Variants in ANKRD23 observed in about 807,000 individuals in gnomAD.
ANKRD23 encodes ankyrin repeat domain-containing protein 23.
ANKRD23 carries 52 observed loss-of-function variants against 38.1 expected under a neutral mutation model. The observed-to-expected ratio is 1.36, with a 90% CI of 1.09 to 1.72. ANKRD23 has a LOEUF of 1.72. Ranked by LOEUF, ANKRD23 falls within the 40% of genes most tolerant of loss-of-function variation. ANKRD23 has a pLI of 0.00. For synonymous variants in ANKRD23, 167 were observed against 162.9 expected, an observed-to-expected ratio of 1.03 and a Z score of -0.19; for missense variants, 416 against 400.2, an observed-to-expected ratio of 1.04 and a Z score of -0.34.
At position 96,839,547 on chromosome 2, in the gene ANKRD23, G is replaced by A. The variant is rs756407606; in HGVS notation, c.*2C>T. ...AAGGCGCGGCGGGGGGCGGTGCTGC[G>A]GTCAGCACCGGGTGCGGGGATGCGC... On this transcript the variant is annotated 3_prime_UTR_variant, in exon 9 of 9. Coordinates refer to ENST00000318357, the MANE Select transcript of ANKRD23 (RefSeq NM_144994.8). 3.5e-5 allele frequency: 50 copies of A among 1,446,972 alleles called. No individual in the cohort carries two copies. Among genetic ancestry groups the A allele is most frequent in the African/African-American group, 1.4e-5 (1 of 69,652 alleles). The allele number at this position is 1,446,972 out of a possible 1,614,324, so 89.6% of individuals were successfully genotyped here.
rs761660231 is a variant in ANKRD23 at position 96,842,137 on chromosome 2, A to G, written c.223T>C (p.Leu75=). The G allele has an allele frequency of 4.4e-5, 71 of 1,614,018 alleles. No individual in the cohort carries two copies. The highest frequency in any genetic ancestry group is 5.8e-5 in the Non-Finnish European group (69 of 1,180,030). Reference sequence around the variant, plus strand: ...TTCCGTCTTTGAACCAAGTTTTCCAAGTCAGCCAGGTTATCCAGATTAAAT... The same window carrying G: ...TTCCGTCTTTGAACCAAGTTTTCCAGGTCAGCCAGGTTATCCAGATTAAAT... ...TRFNLDNLAD[L]ENLVQRRKKR... Residue 75 remains leucine, a synonymous_variant, in exon 3 of 9, where the codon TTG becomes CTG. Coordinates refer to ENST00000318357, the MANE Select transcript of ANKRD23 (RefSeq NM_144994.8).
chr2:96,843,326 G>A (rs947593387), intron 1 of ANKRD23, among the ~76,000 whole-genome samples: 1 of 152,084 alleles, frequency 6.6e-6, no homozygotes, highest in Non-Finnish European at 1.5e-5. Flanking sequence ...AGATGGGCTT[G>A]CTGGGCCTCA....
At position 96,839,618 on chromosome 2, in the gene ANKRD23, A is replaced by G; in HGVS notation, c.849T>C (p.Ala283=). The G allele has an allele frequency of 6.7e-7, 1 of 1,499,346 alleles. No homozygotes were observed. The highest frequency in any genetic ancestry group is 2.4e-5 in the East Asian group (1 of 42,546). 92.9% of individuals were successfully genotyped at this position (1,499,346 alleles called of 1,614,324 possible). A position where few individuals can be genotyped will look rare whatever the true frequency, so the allele number is the denominator to read the frequency against. ...CCCGGATGCCGCGCTGCCAGTCTCG[A>G]GCCAGCTGCACCGGGGTCACGGAGG... is the stretch of plus-strand genomic sequence containing the variant. ...NAASVTPVQL[A]RDWQRGIREA... The change falls in exon 9 of 9, where the codon GCT becomes GCC. Residue 283 remains alanine (A), a synonymous_variant. Coordinates refer to ENST00000318357, the MANE Select transcript of ANKRD23 (RefSeq NM_144994.8).
chr2:96,839,239 C>G lies in ANKRD23; in HGVS notation c.*310G>C, dbSNP rs1329781174. On this transcript the variant is annotated 3_prime_UTR_variant, in exon 9 of 9. Coordinates refer to ENST00000318357, the MANE Select transcript of ANKRD23 (RefSeq NM_144994.8). ...AGCTTGGGACTGCTCCCTTAAGGCT[C>G]GTTCTTGGCCCTCACTCTCCTCCCC... The G allele has an allele frequency of 1.8e-6, 2 of 1,130,898 alleles. No homozygotes were observed. Among genetic ancestry groups the G allele is most frequent in the South Asian group, 4.3e-5 (1 of 23,466 alleles). 70.1% of individuals were successfully genotyped at this position (1,130,898 alleles called of 1,614,324 possible).
Position 96,842,506 on chromosome 2 carries a change from A to G in ANKRD23, c.33T>C (p.Ser11=). The change falls in exon 2 of 9, where the codon AGT becomes AGC. Residue 11 remains serine, a synonymous_variant. Transcript: ENST00000318357. MDFISIQQLV[S]GERVEGKVLG... ...ACACTTTCCCTTCAACTCTTTCTCC[A>G]CTTACCTGTAGGAACAGGATATGAG... 2 of 1,613,080 alleles carry G rather than the reference A, an allele frequency of 1.2e-6. No homozygotes were observed. Among genetic ancestry groups the G allele is most frequent in the Non-Finnish European group, 1.7e-6 (2 of 1,179,628 alleles).
chr2:96,842,170 T>G lies in ANKRD23; in HGVS notation c.190A>C (p.Ser64Arg), dbSNP rs150321775. ...EKKKKLERFN[S>R]TRFNLDNLAD... ...AGGTTATCCAGATTAAATCTGGTAC[T>G]GTTAAATCTTTCAAGCTGGGGCAGA... Residue 64 changes from serine to arginine, a missense_variant, in exon 3 of 9, where the codon AGT becomes CGT. By Grantham distance (110) the Ser-to-Arg change is moderately radical. Transcript: ENST00000318357. 2.0e-3 allele frequency: 3,213 copies of G among 1,614,076 alleles called. 7 individuals carry two copies. The highest frequency in any genetic ancestry group is 2.3e-3 in the Non-Finnish European group (2,766 of 1,180,048).
At chr2:96,843,858 TA>T in intron 1 of ANKRD23, 107 bp downstream of exon 1, 1 of 1,123,384 alleles carries the variant, frequency 8.9e-7, no homozygotes, top group Non-Finnish European at 1.3e-6. Context: ...TCCCTGCACC[TA>T]AGACTTGACC....
Position 96,840,249 on chromosome 2 carries a change from C to A in ANKRD23, c.607G>T (p.Val203Phe). 6.2e-7 allele frequency: 1 copy of A among 1,611,132 alleles called. No individual in the cohort carries two copies. Residue 203 changes from valine (V) to phenylalanine (F), a missense_variant, in exon 6 of 9, where the codon GTC becomes TTC. Val to Phe is a conservative substitution (Grantham distance 50). Coordinates refer to ENST00000318357, the MANE Select transcript of ANKRD23 (RefSeq NM_144994.8). ...LKQLLNQGAR[V>F]NARDKIGSTP... Reference sequence around the variant, plus strand: ...CCCCTCACCTTGTCCCGGGCATTGACCCGGGCTCCCTGGTTAAGCAGCTGT... The same window carrying A: ...CCCCTCACCTTGTCCCGGGCATTGAACCGGGCTCCCTGGTTAAGCAGCTGT...
Position 96,838,806 on chromosome 2 carries a change from C to G in ANKRD23, c.*743G>C, listed in dbSNP as rs75602980. On this transcript the variant is annotated 3_prime_UTR_variant, in exon 9 of 9. Transcript: ENST00000318357. ...GTGGGTGCGAGGCTTCTCTCAAATG[C>G]GCGCTCCAGCTCATCAGTCTTAGGG... is the stretch of plus-strand genomic sequence containing the variant. 3.9e-5 allele frequency: 38 copies of G among 985,524 alleles called. No individual in the cohort carries two copies. The East Asian group carries it at 3.9e-3, about 100-fold the overall frequency. 61.0% of individuals were successfully genotyped at this position (985,524 alleles called of 1,614,324 possible).
Position 96,839,379 on chromosome 2 carries a change from C to G in ANKRD23, c.*170G>C. The G allele has an allele frequency of 2.4e-6, 3 of 1,264,000 alleles. No individual in the cohort carries two copies. The highest frequency in any genetic ancestry group is 3.0e-6 in the Non-Finnish European group (3 of 1,007,662). 78.3% of individuals were successfully genotyped at this position (1,264,000 alleles called of 1,614,324 possible). ...AAGCCAGGGAGGCCTCTCTCTTTGC[C>G]TGCTGGGCCCGGTGCCGCTCTTCAG... On this transcript the variant is annotated 3_prime_UTR_variant, in exon 9 of 9. Coordinates refer to ENST00000318357, the MANE Select transcript of ANKRD23 (RefSeq NM_144994.8).
chr2:96,840,513 A>T lies in ANKRD23; in HGVS notation c.428T>A (p.Leu143His). The change falls in exon 5 of 9, where the codon CTC becomes CAC. Residue 143 changes from leucine (L) to histidine (H), a missense_variant and splice_region_variant. By Grantham distance (99) the Leu-to-His change is moderately conservative. Transcript: ENST00000318357. ...DGGDPNAHDK[L>H]HRTALHWACL... ...GGCCCAGTGCAAGGCGGTGCGGTGG[A>T]GCTGAGGGCAGAGATGGAAGATTAG... 3 of 1,613,600 alleles carry T rather than the reference A, an allele frequency of 1.9e-6. No homozygotes were observed. Among genetic ancestry groups the T allele is most frequent in the Non-Finnish European group, 2.5e-6 (3 of 1,179,950 alleles).
In ANKRD23 at chr2:96,842,121, T is replaced by A. The variant is rs148240041; in HGVS notation, c.239A>T (p.Gln80Leu). The change falls in exon 3 of 9, where the codon CAA (glutamine) becomes CTA (leucine). Residue 80 changes from glutamine to leucine, a missense_variant. By Grantham distance (113) the Gln-to-Leu change is moderately radical. Coordinates refer to ENST00000318357, the MANE Select transcript of ANKRD23 (RefSeq NM_144994.8). ...DNLADLENLV[Q>L]RRKKRLRHRV... ...GTGTCTCAGTCGCTTTTTCCGTCTT[T>A]GAACCAAGTTTTCCAAGTCAGCCAG... 91 of 1,614,092 alleles carry A rather than the reference T, an allele frequency of 5.6e-5. No homozygotes were observed. Among genetic ancestry groups the A allele is most frequent in the Non-Finnish European group, 7.6e-5 (90 of 1,180,048 alleles).
chr2:96,843,029 G>A (rs1043047109), intron 1 of ANKRD23, among the ~76,000 whole-genome samples: 7 of 152,196 alleles, frequency 4.6e-5, no homozygotes, highest in African/African-American at 1.4e-4. Flanking sequence ...TTGCCTAAAG[G>A]AGTTGTGAAG....
chr2:96,839,367 C>T lies in ANKRD23; in HGVS notation c.*182G>A. The T allele has an allele frequency of 8.0e-7, 1 of 1,257,438 alleles. No individual in the cohort carries two copies. The highest frequency in any genetic ancestry group is 1.0e-6 in the Non-Finnish European group (1 of 1,003,888). 77.9% of individuals were successfully genotyped at this position (1,257,438 alleles called of 1,614,324 possible). A position where few individuals can be genotyped will look rare whatever the true frequency, so the allele number is the denominator to read the frequency against. On this transcript the variant is annotated 3_prime_UTR_variant, in exon 9 of 9. Coordinates refer to ENST00000318357, the MANE Select transcript of ANKRD23 (RefSeq NM_144994.8). ...CCCTGACACTCGAAGCCAGGGAGGC[C>T]TCTCTCTTTGCCTGCTGGGCCCGGT...
intron 1 of ANKRD23, 84 bp from the exon 2 acceptor site, chr2:96,842,595 C>T (rs1164639760): frequency 6.7e-7 from 1 of 1,487,786 alleles, no homozygotes; most frequent in South Asian, 1.4e-5. Flanking sequence ...AGGGAGCTGT[C>T]TTATAAGGGC....
chr2:96,840,563 G>A (rs2079748492), intron 4 of ANKRD23, 49 bp from the exon 5 acceptor site: 30 of 1,595,626 alleles, frequency 1.9e-5, no homozygotes, highest in Non-Finnish European at 2.4e-5. Flanking sequence ...GCCACCCCTA[G>A]AGACCCCACG....
Position 96,838,356 on chromosome 2 carries a change from C to A in ANKRD23, c.*1193G>T, listed in dbSNP as rs1453465161. 22 of 987,916 alleles carry A rather than the reference C, an allele frequency of 2.2e-5. No individual in the cohort carries two copies. Among genetic ancestry groups the A allele is most frequent in the African/African-American group, 3.5e-5 (2 of 57,282 alleles). 61.2% of individuals were successfully genotyped at this position (987,916 alleles called of 1,614,324 possible). A position where few individuals can be genotyped will look rare whatever the true frequency, so the allele number is the denominator to read the frequency against. ...GATTCACTTTCTGGCGTTTAGGGGC[C>A]CAGCCCCACCAGCAGTACAGGCCTA... On this transcript the variant is annotated 3_prime_UTR_variant, in exon 9 of 9. Coordinates refer to ENST00000318357, the MANE Select transcript of ANKRD23 (RefSeq NM_144994.8).
At chr2:96,840,551 C>G in intron 4 of ANKRD23, 37 bp from the exon 5 acceptor site, 1 of 1,606,916 alleles carries the variant, frequency 6.2e-7, no homozygotes, top group Non-Finnish European at 8.5e-7. Flanking sequence ...AGAGGGAGTG[C>G]AGCCACCCCT....
chr2:96,842,451 C>T lies in ANKRD23; in HGVS notation c.88G>A (p.Gly30Arg), dbSNP rs759251937. 24 of 1,614,044 alleles carry T rather than the reference C, an allele frequency of 1.5e-5. No individual in the cohort carries two copies. Among genetic ancestry groups the T allele is most frequent in the African/African-American group, 2.7e-5 (2 of 74,910 alleles). ...LGFGHGVPDP[G>R]AWPSDWRRGP... ...CTCCTCCAGTCACTAGGCCAGGCTC[C>T]AGGGTCAGGAACTCCATGTCCAAAT... is the stretch of plus-strand genomic sequence containing the variant. Residue 30 changes from glycine to arginine, a missense_variant, in exon 2 of 9, where the codon GGA (glycine) becomes AGA (arginine). Transcript: ENST00000318357.
Sources: gnomAD v4.1 joint callset for allele counts (sites outside exome capture counted in the v4.1 genomes callset) on GRCh38, gnomAD v4.1.1 for gene constraint, MANE v1.5 for transcripts, NCBI Gene and HGNC (gene_info 2026-07-23, HGNC 2026-07-21) for gene names.